Variants in USP15 observed in about 807,000 individuals in gnomAD.
The protein encoded by USP15 is ubiquitin specific peptidase 15.
USP15 carries 18 observed loss-of-function variants against 127.1 expected under a neutral mutation model. The observed-to-expected ratio is 0.14, with a 90% CI of 0.10 to 0.21. The LOEUF (loss-of-function observed/expected upper bound fraction) is 0.21. Ranked by LOEUF, USP15 falls within the 10% of genes least tolerant of loss-of-function variation. The pLI is 1.00. For synonymous variants in USP15, 364 were observed against 393.7 expected, an observed-to-expected ratio of 0.92 and a Z score of 0.89; for missense variants, 805 against 1,159.9, an observed-to-expected ratio of 0.69 and a Z score of 4.44.
At chr12:62,395,805 G>GT (rs1395212629) in intron 19 of USP15, among the ~76,000 whole-genome samples, 1 of 151,584 alleles carries the variant, frequency 6.6e-6, no homozygotes, top group East Asian at 1.9e-4. Flanking sequence ...TTCCATCCAT[G>GT]TTGTTGGAAA....
At chr12:62,287,271 G>A (rs1034507524) in intron 1 of USP15, among the ~76,000 whole-genome samples, 2 of 151,998 alleles carry the variant, frequency 1.3e-5, no homozygotes, top group Non-Finnish European at 2.9e-5. Context: ...TCAGCATCAC[G>A]CAATATACCC....
rs1020199839 is a variant in USP15, at chr12:62,410,761, A to G, written c.*6386A>G. ...GTGTGGAGAGGAAGGCTTAAATTTC[A>G]TTTTTGAAGCTGTCGTTAAAAGTAT... On this transcript the variant is annotated 3_prime_UTR_variant, in exon 22 of 22. Coordinates refer to ENST00000280377, the MANE Select transcript of USP15 (RefSeq NM_001252078.2). The G allele has an allele frequency of 2.0e-5, 3 of 152,044 alleles. No individual in the cohort carries two copies. The highest frequency in any genetic ancestry group is 6.6e-5 in the Admixed American group (1 of 15,240). 9.4% of individuals were successfully genotyped at this position (152,044 alleles called of 1,614,324 possible). A position where few individuals can be genotyped will look rare whatever the true frequency, so the allele number is the denominator to read the frequency against.
chr12:62,400,175 A>G (rs978511484), intron 20 of USP15, among the ~76,000 whole-genome samples: 2 of 152,174 alleles, frequency 1.3e-5, no homozygotes, highest in African/African-American at 4.8e-5. Flanking sequence ...TATACAAGGC[A>G]TGGGATGGGG....
At chr12:62,271,529 G>T (rs2063344890) in intron 1 of USP15, among the ~76,000 whole-genome samples, 1 of 151,850 alleles carries the variant, frequency 6.6e-6, no homozygotes, top group Non-Finnish European at 1.5e-5. Flanking sequence ...TTTTTATTTT[G>T]AGGAAGTCCC....
chr12:62,387,555 G>A (rs940370645), intron 11 of USP15, among the ~76,000 whole-genome samples: 1 of 152,154 alleles, frequency 6.6e-6, no homozygotes, highest in Non-Finnish European at 1.5e-5. Flanking sequence ...TAAGGAGAAA[G>A]TGGTCAGCAG....
Position 62,413,951 on chromosome 12 carries a change from C to T in USP15, c.*9576C>T, listed in dbSNP as rs545266741. ...AGAGATGTACAGCTCTTCACCTGAA[C>T]ATTTAGAGGCCATTGGATGGTTATT... On this transcript the variant is annotated 3_prime_UTR_variant, in exon 22 of 22. Coordinates refer to ENST00000280377, the MANE Select transcript of USP15 (RefSeq NM_001252078.2). 1.3e-5 allele frequency: 2 copies of T among 152,210 alleles called. No homozygotes were observed. Among genetic ancestry groups the T allele is most frequent in the South Asian group, 2.1e-4 (1 of 4,826 alleles). 9.4% of individuals were successfully genotyped at this position (152,210 alleles called of 1,614,324 possible). A position where few individuals can be genotyped will look rare whatever the true frequency, so the allele number is the denominator to read the frequency against.
chr12:62,275,491 A>G (rs912310277), intron 1 of USP15, among the ~76,000 whole-genome samples: 10 of 151,968 alleles, frequency 6.6e-5, no homozygotes, highest in Non-Finnish European at 2.9e-5. Context: ...TAAGGTGGTC[A>G]TTGGTGATTT....
intron 1 of USP15, among the ~76,000 whole-genome samples, chr12:62,267,640 G>A (rs1001091699): frequency 1.5e-4 from 23 of 152,028 alleles, no homozygotes; most frequent in African/African-American, 5.3e-4. Flanking sequence ...AGATATTAGC[G>A]TGGTAATTCC....
intron 7 of USP15, among the ~76,000 whole-genome samples, chr12:62,350,579 AAGAC>A (rs1228324596): frequency 1.3e-5 from 2 of 152,190 alleles, no homozygotes; most frequent in Non-Finnish European, 1.5e-5. Context: ...GAAATTTTCT[AAGAC>A]AGTCTTAGAA....
chr12:62,389,367 A>T, intron 11 of USP15, 64 bp from the exon 12 acceptor site: 1 of 1,329,778 alleles, frequency 7.5e-7, no homozygotes, highest in Non-Finnish European at 1.0e-6. Flanking sequence ...CCATGAGGTC[A>T]CTCTCATTTA....
intron 8 of USP15, among the ~76,000 whole-genome samples, chr12:62,377,803 G>A (rs78572912): frequency 0.041 from 6,207 of 151,900 alleles, 168 homozygotes; most frequent in African/African-American, 0.058. Context: ...CACGTGGGGC[G>A]TGGCAATATT....
At chr12:62,349,169 T>C (rs567681888) in intron 6 of USP15, 52 bp from the exon 7 acceptor site, 4 of 1,103,580 alleles carry the variant, frequency 3.6e-6, no homozygotes, top group African/African-American at 1.6e-5. Context: ...TCATAATTAA[T>C]TTAAAAATTC....
intron 4 of USP15, among the ~76,000 whole-genome samples, chr12:62,317,046 C>T (rs1483962632): frequency 6.6e-6 from 1 of 151,948 alleles, no homozygotes; most frequent in Non-Finnish European, 1.5e-5. Flanking sequence ...GTTCATTAAA[C>T]AGTTTTGGGA....
At chr12:62,285,835 A>G (rs866376235) in intron 1 of USP15, among the ~76,000 whole-genome samples, 15 of 152,084 alleles carry the variant, frequency 9.9e-5, no homozygotes, top group African/African-American at 2.9e-4. Flanking sequence ...TGATAGTTCT[A>G]TTTTTAGTTT....
Position 62,391,470 on chromosome 12 carries a change from G to A in USP15, c.2233+41G>A, listed in dbSNP as rs749482240. On this transcript the variant is annotated intron_variant, in intron 16 of 21. Transcript: ENST00000280377. ...AAATGGCTTGAACATTAAACAAGCC[G>A]AGCATGTTATTTTTTTTTTAGGTGA... 1.3e-5 allele frequency: 20 copies of A among 1,568,646 alleles called. No homozygotes were observed. In the South Asian group the frequency reaches 1.3e-4, roughly 10 times the overall value.
At chr12:62,313,074 T>C (rs1214875762) in intron 3 of USP15, among the ~76,000 whole-genome samples, 2 of 150,738 alleles carry the variant, frequency 1.3e-5, no homozygotes, top group Admixed American at 6.6e-5. Context: ...ATAAATATCT[T>C]ATAAATATAG....
intron 18 of USP15, among the ~76,000 whole-genome samples, chr12:62,392,851 T>G (rs983232227): frequency 3.9e-5 from 6 of 152,200 alleles, no homozygotes; most frequent in African/African-American, 1.4e-4. Flanking sequence ...ATTTGTATAT[T>G]AATTTGTAAT....
At chr12:62,290,136 T>C (rs538048184) in intron 1 of USP15, among the ~76,000 whole-genome samples, 6 of 152,340 alleles carry the variant, frequency 3.9e-5, no homozygotes, top group Admixed American at 3.3e-4. Context: ...ACATTTAGTT[T>C]AGAGTCCAAT....
chr12:62,332,878 A>C (rs1364692070), intron 6 of USP15, among the ~76,000 whole-genome samples: 1 of 152,228 alleles, frequency 6.6e-6, no homozygotes, highest in African/African-American at 2.4e-5. Flanking sequence ...TTTTCACAGC[A>C]CTGTCTTCTT....
Sources: allele counts gnomAD v4.1 joint callset (sites outside exome capture counted in the v4.1 genomes callset), GRCh38; gene constraint gnomAD v4.1.1; transcripts MANE v1.5; gene names NCBI Gene and HGNC (gene_info 2026-07-23, HGNC 2026-07-21).